The following PPP2R5C variants were observed in gnomAD, a reference collection of about 807,000 sequenced individuals.
PPP2R5C encodes protein phosphatase 2 regulatory subunit B'gamma, also known as serine/threonine-protein phosphatase 2A 56 kDa regulatory subunit gamma isoform.
Under a neutral mutation model 68.9 loss-of-function variants are expected in PPP2R5C, and 7 were observed. That is an observed-to-expected ratio of 0.10 (90% CI 0.06 to 0.19). The LOEUF is 0.19. Ranked by LOEUF, PPP2R5C falls within the 10% of genes least tolerant of loss-of-function variation. The pLI is 1.00. For synonymous variants in PPP2R5C, 210 were observed against 222.2 expected, an observed-to-expected ratio of 0.95 and a Z score of 0.49; for missense variants, 348 against 641.3, an observed-to-expected ratio of 0.54 and a Z score of 4.94.
chr14:101,895,809 T>C (rs1206860650), intron 8 of PPP2R5C, among the ~76,000 whole-genome samples: 1 of 152,280 alleles, frequency 6.6e-6, no homozygotes, highest in Non-Finnish European at 1.5e-5. Context: ...TAATCCCCAT[T>C]TTCAGTTCCT....
At chr14:101,761,713 C>CCGT (rs1211220406), upstream of PPP2R5C, 42 of 709,010 alleles carry the variant, frequency 5.9e-5, no homozygotes, top group Middle Eastern at 7.2e-4. Flanking sequence ...GCCGCCGCCG[C>CCGT]CGTGGCTGCC....
chr14:101,787,099 A>C (rs1206101393), intron 3 of PPP2R5C, among the ~76,000 whole-genome samples: 1 of 152,114 alleles, frequency 6.6e-6, no homozygotes, highest in Non-Finnish European at 1.5e-5. Flanking sequence ...AAAAAAATAA[A>C]ATTTGCTGGG....
intron 2 of PPP2R5C, among the ~76,000 whole-genome samples, chr14:101,774,212 A>G (rs2037300182): frequency 6.6e-6 from 1 of 152,178 alleles, no homozygotes; most frequent in African/African-American, 2.4e-5. Flanking sequence ...TTGTCATCTG[A>G]CCACTTGCTT....
intron 5 of PPP2R5C, among the ~76,000 whole-genome samples, chr14:101,884,348 C>G (rs544797980): frequency 6.6e-6 from 1 of 152,344 alleles, no homozygotes; most frequent in Non-Finnish European, 1.5e-5. Context: ...GCAACACCCT[C>G]ACAGACATAC....
chr14:101,867,991 G>T (rs1019252730), intron 2 of PPP2R5C, among the ~76,000 whole-genome samples: 1 of 152,166 alleles, frequency 6.6e-6, no homozygotes, highest in African/African-American at 2.4e-5. Context: ...CCTGGGGGAG[G>T]TCTCACACCC....
chr14:101,871,727 T>G (rs982680588), intron 2 of PPP2R5C, among the ~76,000 whole-genome samples: 4 of 152,194 alleles, frequency 2.6e-5, no homozygotes, highest in African/African-American at 9.7e-5. Context: ...TTGAGTACTT[T>G]TTATGATTCC....
chr14:101,762,984 A>G lies in PPP2R5C; in HGVS notation c.93+14A>G, dbSNP rs202136745. On this transcript the variant is annotated intron_variant, in intron 2 of 14. Transcript: ENST00000328724. Reference sequence around the variant, plus strand: ...GTAGAATCAGAGGTAACTGTCATCAAATATTGACTTTGTATTTTATACACA... The same window carrying G: ...GTAGAATCAGAGGTAACTGTCATCAGATATTGACTTTGTATTTTATACACA... The G allele has an allele frequency of 9.6e-6, 15 of 1,558,058 alleles. No homozygotes were observed. Among genetic ancestry groups the G allele is most frequent in the Non-Finnish European group, 1.2e-5 (14 of 1,147,966 alleles).
At chr14:101,885,270 G>C (rs1377895827) in intron 5 of PPP2R5C, among the ~76,000 whole-genome samples, 1 of 152,216 alleles carries the variant, frequency 6.6e-6, no homozygotes, top group Non-Finnish European at 1.5e-5. Context: ...GAGACAGACA[G>C]ATGGCAGATG....
At chr14:101,768,739 A>G (rs1300983001) in intron 2 of PPP2R5C, among the ~76,000 whole-genome samples, 1 of 152,162 alleles carries the variant, frequency 6.6e-6, no homozygotes, top group African/African-American at 2.4e-5. Context: ...GAAAGGGTCA[A>G]GGGACACACC....
chr14:101,844,521 C>T (rs1314371910), intron 1 of PPP2R5C, among the ~76,000 whole-genome samples: 2 of 152,168 alleles, frequency 1.3e-5, no homozygotes, highest in Non-Finnish European at 2.9e-5. Context: ...TGTCTGTCAC[C>T]GACCCTCCCT....
intron 2 of PPP2R5C, among the ~76,000 whole-genome samples, chr14:101,773,105 T>C (rs2037237975): frequency 6.6e-6 from 1 of 152,170 alleles, no homozygotes; most frequent in South Asian, 2.1e-4. Flanking sequence ...AGCAGGTTCA[T>C]TCTGAGACCT....
At chr14:101,770,338 A>C (rs1306262369) in intron 2 of PPP2R5C, among the ~76,000 whole-genome samples, 2 of 152,120 alleles carry the variant, frequency 1.3e-5, no homozygotes, top group Non-Finnish European at 2.9e-5. Flanking sequence ...AAGACCTGTT[A>C]GGAACTGAAG....
chr14:101,869,729 A>G (rs985150046), intron 2 of PPP2R5C, among the ~76,000 whole-genome samples: 10 of 152,180 alleles, frequency 6.6e-5, no homozygotes, highest in Non-Finnish European at 1.5e-4. Flanking sequence ...ATCATGGCTC[A>G]CTGCAGCCTC....
chr14:101,780,919 C>A (rs898770068), intron 2 of PPP2R5C, among the ~76,000 whole-genome samples: 5 of 152,186 alleles, frequency 3.3e-5, no homozygotes, highest in African/African-American at 1.2e-4. Context: ...GGGACTGAGG[C>A]TGGGGCTTGG....
chr14:101,899,073 C>T lies in PPP2R5C; in HGVS notation c.853-2646C>T, dbSNP rs965973514. Reference sequence around the variant, plus strand: ...ACTGAGATATGAAGGACATGTGTTGCCCCATTTGTAGCCTGTAATTAGTAT... The same window carrying T: ...ACTGAGATATGAAGGACATGTGTTGTCCCATTTGTAGCCTGTAATTAGTAT... On this transcript the variant is annotated intron_variant, in intron 8 of 13. Coordinates refer to ENST00000334743, the Ensembl canonical transcript of PPP2R5C. This position sits in a 1 kb window ranked among gnomAD's most constrained non-coding sequence, Gnocchi z 4.2. Among the ~76,000 whole-genome samples, 4 of 152,208 alleles carry T rather than the reference C, an allele frequency of 2.6e-5. No homozygotes were observed. The highest frequency in any genetic ancestry group is 4.8e-5 in the African/African-American group (2 of 41,458).
At chr14:101,829,634 G>A (rs914114768) in intron 1 of PPP2R5C, among the ~76,000 whole-genome samples, 31 of 152,222 alleles carry the variant, frequency 2.0e-4, no homozygotes, top group East Asian at 1.9e-4. Context: ...TGAGGAAGAC[G>A]ATTTTTCCTC....
At chr14:101,816,111 CAAGG>C (rs2039650179) in intron 1 of PPP2R5C, among the ~76,000 whole-genome samples, 2 of 152,228 alleles carry the variant, frequency 1.3e-5, no homozygotes, top group South Asian at 4.1e-4. Flanking sequence ...GCTTTTGCTG[CAAGG>C]CAAAAACCTG....
At chr14:101,870,630 T>C (rs113651883) in intron 2 of PPP2R5C, among the ~76,000 whole-genome samples, 2 of 152,370 alleles carry the variant, frequency 1.3e-5, no homozygotes, top group African/African-American at 4.8e-5. Flanking sequence ...TTGACTATTC[T>C]AGTTATTTTA....
At chr14:101,828,764 G>A (rs971979006) in intron 1 of PPP2R5C, among the ~76,000 whole-genome samples, 3 of 144,468 alleles carry the variant, frequency 2.1e-5, no homozygotes, top group Admixed American at 7.3e-5. Flanking sequence ...TGCAACCTCC[G>A]CCTCCTGGGT....
Sources: gnomAD v4.1 joint callset for allele counts (sites outside exome capture counted in the v4.1 genomes callset) on GRCh38, gnomAD v4.1.1 for gene constraint, Gnocchi (gnomAD v3.1) non-coding constraint, MANE v1.5 for transcripts, NCBI Gene and HGNC (gene_info 2026-07-23, HGNC 2026-07-21) for gene names.